The following TUT7 variants were observed in gnomAD, a reference collection of about 807,000 sequenced individuals.
The protein encoded by TUT7 is terminal uridylyl transferase 7.
TUT7 carries 33 observed loss-of-function variants against 165.9 expected under a neutral mutation model. The ratio of observed to expected loss-of-function variants is 0.20; its 90% CI spans 0.15 to 0.27. The LOEUF (loss-of-function observed/expected upper bound fraction) is 0.27. Ranked by LOEUF, TUT7 falls within the 10% of genes least tolerant of loss-of-function variation. TUT7 has a pLI of 1.00. For synonymous variants in TUT7, 552 were observed against 608.1 expected (o/e 0.91, Z 1.36); for missense variants, 1,338 against 1,762.3 (o/e 0.76, Z 4.31).
chr9:86,303,182 T>C lies in TUT7; in HGVS notation c.3998A>G (p.Asp1333Gly). The change falls in exon 25 of 27, where the codon GAT becomes GGT. Residue 1333 changes from aspartate (D) to glycine (G), a missense_variant. Physicochemically the swap from Asp to Gly is moderately conservative, Grantham distance 94. Coordinates refer to ENST00000375963, the MANE Select transcript of TUT7 (RefSeq NM_024617.4). ...PSKMEYFFDPDVLTEGELAPN... is the reference protein window; with the variant it reads ...PSKMEYFFDPGVLTEGELAPN... ...GGCCAGCTCTCCTTCAGTTAACACA[T>C]CTGGATCAAAAAAGTATTCCTAGAA... 6.3e-7 allele frequency: 1 copy of C among 1,599,768 alleles called. No individual in the cohort carries two copies. The highest frequency in any genetic ancestry group is 8.5e-7 in the Non-Finnish European group (1 of 1,173,364).
At chr9:86,352,370 G>A (rs575634137) in intron 2 of TUT7, among the ~76,000 whole-genome samples, 1 of 152,062 alleles carries the variant, frequency 6.6e-6, no homozygotes, top group Non-Finnish European at 1.5e-5. Context: ...GAGCAATTAC[G>A]ATATGGTCCC....
At chr9:86,292,427 C>T (rs543436757) in intron 26 of TUT7, among the ~76,000 whole-genome samples, 9 of 151,036 alleles carry the variant, frequency 6.0e-5, no homozygotes, top group Non-Finnish European at 1.3e-4. Flanking sequence ...AGAGATCACA[C>T]CACTACACTC....
intron 26 of TUT7, among the ~76,000 whole-genome samples, chr9:86,292,279 T>A (rs1219940100): frequency 1.3e-5 from 2 of 151,972 alleles, no homozygotes; most frequent in African/African-American, 4.8e-5. Flanking sequence ...GAAACATATG[T>A]TAAGGAGTAC....
Position 86,288,642 on chromosome 9 carries a change from T to G in TUT7, c.*35A>C. 1 of 1,571,784 alleles carries G rather than the reference T, an allele frequency of 6.4e-7. No homozygotes were observed. Among genetic ancestry groups the G allele is most frequent in the Non-Finnish European group, 8.8e-7 (1 of 1,142,080 alleles). ...AATTTTCCGAGTGAATAGGAACGCC[T>G]GAGTGGCCATTTAGAGTGCTGCATT... On this transcript the variant is annotated 3_prime_UTR_variant, in exon 27 of 27. Transcript: ENST00000375963.
intron 17 of TUT7, among the ~76,000 whole-genome samples, chr9:86,314,595 G>A (rs191778459): frequency 2.4e-4 from 37 of 152,252 alleles, no homozygotes; most frequent in African/African-American, 7.2e-4. Context: ...ACCAAATCTA[G>A]GAAATTTTCC....
chr9:86,353,954 C>G (rs1832524779), intron 1 of TUT7, among the ~76,000 whole-genome samples: 1 of 151,228 alleles, frequency 6.6e-6, no homozygotes, highest in South Asian at 2.1e-4. Flanking sequence ...CGCTCCACCA[C>G]CGATCTGCCT....
intron 5 of TUT7, 22 bp from the exon 6 acceptor site, chr9:86,343,185 AAAAGT>A: frequency 7.2e-7 from 1 of 1,389,680 alleles, no homozygotes; most frequent in Non-Finnish European, 9.8e-7. Flanking sequence ...ATAAATAAAT[AAAAGT>A]AATAAATACA....
rs889933500 is a variant in TUT7 at position 86,307,502 on chromosome 9, C to T, written c.3838+927G>A. Among the ~76,000 whole-genome samples the T allele has an allele frequency of 2.6e-5, 4 of 151,934 alleles. No homozygotes were observed. In the South Asian group the frequency reaches 6.2e-4, roughly 24 times the overall value. Reference sequence around the variant, plus strand: ...AATAAAACCACAACTTAGAATAGTACGTATTATTTATGTGATACAAACATA... The same window carrying T: ...AATAAAACCACAACTTAGAATAGTATGTATTATTTATGTGATACAAACATA... On this transcript the variant is annotated intron_variant, in intron 22 of 26. Transcript: ENST00000375963.
At chr9:86,310,833 T>A in intron 17 of TUT7, 24 bp from the exon 18 acceptor site, 1 of 1,328,588 alleles carries the variant, frequency 7.5e-7, no homozygotes, top group Non-Finnish European at 1.1e-6. Flanking sequence ...TAAAATGTTA[T>A]CATTAAATAC....
At chr9:86,351,240 A>G (rs1306007723) in intron 2 of TUT7, among the ~76,000 whole-genome samples, 1 of 152,076 alleles carries the variant, frequency 6.6e-6, no homozygotes, top group Non-Finnish European at 1.5e-5. Context: ...GTTTGAGACC[A>G]GTCAGGCCAA....
chr9:86,341,123 C>T (rs967230041), intron 6 of TUT7, 70 bp from the exon 7 acceptor site: 7 of 1,258,330 alleles, frequency 5.6e-6, no homozygotes, highest in Non-Finnish European at 5.7e-6. Context: ...TAAGAGTCAT[C>T]CGAAGTTCCC....
At chr9:86,318,807 C>A (rs970102722) in intron 16 of TUT7, 151 bp downstream of exon 16, 5 of 514,174 alleles carry the variant, frequency 9.7e-6, no homozygotes, top group African/African-American at 9.7e-5. Flanking sequence ...CCTTTCCAAG[C>A]CTCTTAATGT....
Position 86,328,459 on chromosome 9 carries a change from A to C in TUT7, c.1489T>G (p.Phe497Val). 6.2e-7 allele frequency: 1 copy of C among 1,611,090 alleles called. No homozygotes were observed. The highest frequency in any genetic ancestry group is 2.2e-5 in the East Asian group (1 of 44,702). Residue 497 changes from phenylalanine (F) to valine (V), a missense_variant, in exon 11 of 27, where the codon TTC (phenylalanine) becomes GTC (valine). By Grantham distance (50) the Phe-to-Val change is conservative. Around this residue, in one of 7 missense-constraint regions of TUT7, gnomAD observed 74 missense variants for 128.5 expected, o/e 0.58. Transcript: ENST00000375963. ...EGFSLSKLGN[F>V]NLQDIEKDVV... The stretch of plus-strand genomic sequence containing the variant: ...TCTTTTTCAATGTCTTGAAGGTTGA[A>C]ATTCCCTAGTTTGCTTAATGAGAAT...
rs1227961988 is a variant in TUT7 at position 86,346,550 on chromosome 9, CATATG to C, written c.521-75_521-71del. Reference sequence around the variant, plus strand: ...ACTCCTGAGTAAAAAGCAGACCTTACATATGTATTAAATCATGTGAGAGAATAAAT... The same window carrying C: ...ACTCCTGAGTAAAAAGCAGACCTTACTATTAAATCATGTGAGAGAATAAAT... On this transcript the variant is annotated intron_variant, in intron 2 of 26. Transcript: ENST00000375963. The C allele has an allele frequency of 1.1e-5, 16 of 1,441,538 alleles. No homozygotes were observed. In the Admixed American group the frequency reaches 2.7e-4, roughly 24 times the overall value. 89.3% of individuals were successfully genotyped at this position (1,441,538 alleles called of 1,614,324 possible).
Position 86,322,325 on chromosome 9 carries a change from T to C in TUT7, c.3028A>G (p.Lys1010Glu). Residue 1010 changes from lysine to glutamate, a missense_variant and splice_region_variant, in exon 14 of 27, where the codon AAG becomes GAG. By Grantham distance (56) the Lys-to-Glu change is moderately conservative. Transcript: ENST00000375963. Reference sequence around the variant, plus strand: ...ATCAAAAGAAATGTGAATAACTTACTATAACACTGGATACAGACTTGATCT... The same window carrying C: ...ATCAAAAGAAATGTGAATAACTTACCATAACACTGGATACAGACTTGATCT... ...ILDQVCIQCY[K>E]DFSPTIIEDQ... 19 of 1,610,240 alleles carry C rather than the reference T, an allele frequency of 1.2e-5. No homozygotes were observed. The highest frequency in any genetic ancestry group is 1.6e-5 in the Non-Finnish European group (19 of 1,178,556).
chr9:86,352,531 A>T, intron 2 of TUT7, 149 bp downstream of exon 2: 1 of 900,434 alleles, frequency 1.1e-6, no homozygotes, highest in Non-Finnish European at 1.8e-6. Context: ...TACTATCCTT[A>T]AAATAATCAC....
At chr9:86,290,099 A>C (rs1015973117) in intron 26 of TUT7, among the ~76,000 whole-genome samples, 1 of 152,138 alleles carries the variant, frequency 6.6e-6, no homozygotes, top group Non-Finnish European at 1.5e-5. Flanking sequence ...GCCCCCTTGA[A>C]GTTATTGTGA....
At chr9:86,296,585 G>A (rs538656411) in intron 26 of TUT7, among the ~76,000 whole-genome samples, 8 of 152,206 alleles carry the variant, frequency 5.3e-5, no homozygotes, top group Admixed American at 6.5e-5. Flanking sequence ...ACTTGACTGA[G>A]TGCCTACTCT....
intron 26 of TUT7, among the ~76,000 whole-genome samples, chr9:86,295,574 G>A (rs1587844728): frequency 6.6e-6 from 1 of 152,010 alleles, no homozygotes; most frequent in African/African-American, 2.4e-5. Flanking sequence ...TCAAAGAAGG[G>A]TATCAACAAG....
Sources: allele counts gnomAD v4.1 joint callset (sites outside exome capture counted in the v4.1 genomes callset), GRCh38; gene constraint gnomAD v4.1.1; regional missense constraint gnomAD v4.1.1; transcripts MANE v1.5; gene names NCBI Gene and HGNC (gene_info 2026-07-23, HGNC 2026-07-21).